Variants in KALRN observed in about 807,000 individuals in gnomAD.
The protein encoded by KALRN is kalirin RhoGEF kinase.
Under a neutral mutation model 353.7 loss-of-function variants are expected in KALRN, and 70 were observed. The observed-to-expected ratio is 0.20, with a 90% CI of 0.16 to 0.24. The LOEUF (loss-of-function observed/expected upper bound fraction) is 0.24, where lower values mean the gene tolerates loss of function less well. KALRN is among the 10% of genes least tolerant of loss of function. The pLI is 1.00. For missense variants in KALRN, 2,791 were observed against 3,756.7 expected, an observed-to-expected ratio of 0.74 and a Z score of 6.72; for synonymous variants, 1,391 against 1,434.8, an observed-to-expected ratio of 0.97 and a Z score of 0.69.
At chr3:124,280,706 T>C (rs1422428873) in intron 5 of KALRN, among the ~76,000 whole-genome samples, 1 of 152,202 alleles carries the variant, frequency 6.6e-6, no homozygotes, top group East Asian at 1.9e-4. Context: ...AATGATGTTC[T>C]CTCACTTGAA....
intron 7 of KALRN, among the ~76,000 whole-genome samples, chr3:124,328,771 T>C (rs974412572): frequency 3.3e-5 from 5 of 152,322 alleles, no homozygotes; most frequent in Non-Finnish European, 5.9e-5. Context: ...GAAGTGCACG[T>C]TTATTTCATG....
intron 1 of KALRN, among the ~76,000 whole-genome samples, chr3:124,120,780 T>C (rs1270234277): frequency 6.8e-6 from 1 of 147,882 alleles, no homozygotes; most frequent in Non-Finnish European, 1.5e-5. Flanking sequence ...ATTCAATGTG[T>C]ATTTATGCAG....
chr3:124,187,210 A>G (rs950657062), intron 1 of KALRN, among the ~76,000 whole-genome samples: 1 of 152,100 alleles, frequency 6.6e-6, no homozygotes, highest in Non-Finnish European at 1.5e-5. Context: ...CCTCTTGAGT[A>G]GCTGGGATTA....
chr3:124,142,169 A>C (rs1345833486), intron 1 of KALRN, among the ~76,000 whole-genome samples: 1 of 152,196 alleles, frequency 6.6e-6, no homozygotes, highest in African/African-American at 2.4e-5. Flanking sequence ...GTACAGTGTC[A>C]GAGACATAGG....
intron 33 of KALRN, among the ~76,000 whole-genome samples, chr3:124,509,747 G>T (rs1241226551): frequency 6.6e-6 from 1 of 152,194 alleles, no homozygotes; most frequent in Non-Finnish European, 1.5e-5. Context: ...AAATTTGTTG[G>T]TTTTGGATCT....
chr3:124,451,135 C>T (rs1264619385), intron 21 of KALRN, among the ~76,000 whole-genome samples: 1 of 151,800 alleles, frequency 6.6e-6, no homozygotes, highest in South Asian at 2.1e-4. Context: ...AGATTACTAT[C>T]AAGAAGACAA....
chr3:124,561,552 G>A (rs766370787), intron 33 of KALRN, among the ~76,000 whole-genome samples: 18 of 152,174 alleles, frequency 1.2e-4, no homozygotes, highest in South Asian at 2.1e-4. Context: ...TCACTGTGGC[G>A]TTCACTGTGT....
chr3:124,039,946 C>T (rs1027072598), intron 1 of KALRN, among the ~76,000 whole-genome samples: 1 of 152,080 alleles, frequency 6.6e-6, no homozygotes, highest in Non-Finnish European at 1.5e-5. Context: ...CTTTGTGGTT[C>T]TGGAGAGGGA....
chr3:124,089,436 C>G (rs1014036908), intron 1 of KALRN, among the ~76,000 whole-genome samples: 3 of 152,030 alleles, frequency 2.0e-5, no homozygotes, highest in Non-Finnish European at 4.4e-5. Context: ...TTAAGAGAAG[C>G]CAAACCTCCT....
At chr3:124,169,459 G>T (rs945911350) in intron 1 of KALRN, among the ~76,000 whole-genome samples, 2 of 152,090 alleles carry the variant, frequency 1.3e-5, no homozygotes, top group Non-Finnish European at 2.9e-5. Flanking sequence ...GGTAGCTTTG[G>T]CTTCTCTTCA....
At chr3:124,189,141 C>T (rs1272030237) in intron 1 of KALRN, among the ~76,000 whole-genome samples, 2 of 152,170 alleles carry the variant, frequency 1.3e-5, no homozygotes, top group Non-Finnish European at 2.9e-5. Context: ...ATCAGGGTCT[C>T]GCTTATAAGA....
At chr3:124,629,751 T>C (rs1342613535) in intron 34 of KALRN, among the ~76,000 whole-genome samples, 1 of 152,156 alleles carries the variant, frequency 6.6e-6, no homozygotes, top group Non-Finnish European at 1.5e-5. Flanking sequence ...CATACAGCCT[T>C]GTGAATTTAT....
At chr3:124,446,967 G>T (rs2093860898) in intron 21 of KALRN, 82 bp downstream of exon 21, 1 of 1,507,474 alleles carries the variant, frequency 6.6e-7, no homozygotes, top group African/African-American at 1.4e-5. Context: ...AGCAAAGACA[G>T]CTTCTGTAAG....
intron 14 of KALRN, 88 bp from the exon 15 acceptor site, chr3:124,422,724 A>G: frequency 8.9e-7 from 1 of 1,123,570 alleles, no homozygotes; most frequent in Non-Finnish European, 1.3e-6. Flanking sequence ...GGCTGTTTCC[A>G]AATTCCAGTT....
intron 25 of KALRN, among the ~76,000 whole-genome samples, chr3:124,463,931 T>G (rs942061454): frequency 3.3e-5 from 5 of 152,224 alleles, no homozygotes; most frequent in African/African-American, 1.2e-4. Flanking sequence ...TGTTTGACTT[T>G]CTGGAATATG....
intron 1 of KALRN, among the ~76,000 whole-genome samples, chr3:124,221,245 C>T (rs1015579488): frequency 4.6e-5 from 7 of 152,224 alleles, no homozygotes; most frequent in African/African-American, 1.7e-4. Flanking sequence ...TCCCACCATC[C>T]CTTGCCTCTT....
intron 25 of KALRN, among the ~76,000 whole-genome samples, chr3:124,472,636 A>T (rs2061049262): frequency 1.3e-5 from 2 of 151,308 alleles, no homozygotes; most frequent in Admixed American, 1.3e-4. Context: ...TATGATGATG[A>T]GGCAGATTGA....
chr3:124,655,695 T>C, intron 39 of KALRN, 28 bp downstream of exon 39: 2 of 1,582,598 alleles, frequency 1.3e-6, no homozygotes, highest in African/African-American at 2.7e-5. Context: ...GGTGGGTCTG[T>C]GGTCACCCAA....
chr3:124,272,914 A>C (rs1468800633), intron 5 of KALRN, among the ~76,000 whole-genome samples: 1 of 152,136 alleles, frequency 6.6e-6, no homozygotes, highest in Non-Finnish European at 1.5e-5. Context: ...CATCTAAACA[A>C]GGGCTTGAGG....
Sources: gnomAD v4.1 joint callset for allele counts (sites outside exome capture counted in the v4.1 genomes callset) on GRCh38, gnomAD v4.1.1 for gene constraint, MANE v1.5 for transcripts, NCBI Gene and HGNC (gene_info 2026-07-23, HGNC 2026-07-21) for gene names.